The following PRKCE variants were observed in gnomAD, a reference collection of about 807,000 sequenced individuals.
PRKCE encodes protein kinase C epsilon type.
Under a neutral mutation model 85.4 loss-of-function variants are expected in PRKCE, and 16 were observed. That is an observed-to-expected ratio of 0.19 (90% CI 0.13 to 0.28). The LOEUF (loss-of-function observed/expected upper bound fraction) is 0.28. PRKCE is among the 10% of genes least tolerant of loss of function. The probability of loss-of-function intolerance (pLI) is 1.00; values close to 1 mark genes in which losing one functional copy is unlikely to be tolerated. For synonymous variants in PRKCE, 388 were observed against 371.5 expected (o/e 1.04, Z -0.51); for missense variants, 573 against 975.2 (o/e 0.59, Z 5.49).
intron 13 of PRKCE, among the ~76,000 whole-genome samples, chr2:46,151,447 A>G (rs1422138151): frequency 2.0e-5 from 3 of 152,236 alleles, no homozygotes; most frequent in Non-Finnish European, 4.4e-5. Context: ...TGCTGCCAAG[A>G]GAATGGGGCC....
chr2:45,819,812 A>G (rs1689376593), intron 1 of PRKCE, among the ~76,000 whole-genome samples: 1 of 152,240 alleles, frequency 6.6e-6, no homozygotes, highest in Non-Finnish European at 1.5e-5. Context: ...TTTTTCATAT[A>G]AAGCTTCAGA....
intron 1 of PRKCE, among the ~76,000 whole-genome samples, chr2:45,767,282 A>G (rs1684987692): frequency 6.6e-6 from 1 of 152,204 alleles, no homozygotes; most frequent in South Asian, 2.1e-4. Context: ...ACTTTTTAAA[A>G]AAAGGAACAA....
chr2:45,899,984 C>A (rs1696456280), intron 2 of PRKCE, among the ~76,000 whole-genome samples: 1 of 152,214 alleles, frequency 6.6e-6, no homozygotes, highest in Admixed American at 6.5e-5. Context: ...TACTTAGCTG[C>A]TTGTGACCTC....
chr2:46,023,621 A>C (rs1228368911), intron 10 of PRKCE, among the ~76,000 whole-genome samples: 3 of 152,212 alleles, frequency 2.0e-5, no homozygotes, highest in Non-Finnish European at 2.9e-5. Context: ...GGCTAGCCAC[A>C]AGATTCCAGT....
intron 10 of PRKCE, among the ~76,000 whole-genome samples, chr2:46,017,979 A>T (rs1333824918): frequency 1.3e-5 from 2 of 152,184 alleles, no homozygotes; most frequent in African/African-American, 2.4e-5. Context: ...CCTCACCTCC[A>T]AATCCCCTCT....
chr2:45,884,995 A>ATTTTT lies in PRKCE; in HGVS notation c.412+41933_412+41934insTTTTT, dbSNP rs1210402363. On this transcript the variant is annotated intron_variant, in intron 2 of 14. Coordinates refer to ENST00000306156, the MANE Select transcript of PRKCE (RefSeq NM_005400.3). ...TATATATATATATATATATATATAT[A>ATTTTT]TATATATTTGTTGTTGTTGTTGTTG... 2.4e-4 allele frequency among the ~76,000 whole-genome samples: 17 copies of ATTTTT among 70,240 alleles called. 2 individuals are homozygous for ATTTTT. In the East Asian group the frequency reaches 6.6e-3, roughly 27 times the overall value. 46.1% of individuals were successfully genotyped at this position (70,240 alleles called of 152,430 possible). A position where few individuals can be genotyped will look rare whatever the true frequency, so the allele number is the denominator to read the frequency against.
chr2:45,956,546 G>T (rs923358975), intron 2 of PRKCE, among the ~76,000 whole-genome samples: 1 of 151,942 alleles, frequency 6.6e-6, no homozygotes, highest in African/African-American at 2.4e-5. Flanking sequence ...TTAGCCAGGT[G>T]TGGTGGCATG....
At chr2:45,872,312 C>T (rs1420724930) in intron 2 of PRKCE, among the ~76,000 whole-genome samples, 1 of 152,094 alleles carries the variant, frequency 6.6e-6, no homozygotes, top group East Asian at 1.9e-4. Context: ...AAAGAAGTAG[C>T]CTGACTGGAA....
intron 2 of PRKCE, among the ~76,000 whole-genome samples, chr2:45,918,460 G>T (rs1016100795): frequency 4.6e-5 from 7 of 152,200 alleles, no homozygotes; most frequent in African/African-American, 1.7e-4. Context: ...TTAAGATTCA[G>T]CCTCTATTCA....
chr2:45,890,371 G>A (rs1388012061), intron 2 of PRKCE, among the ~76,000 whole-genome samples: 1 of 151,880 alleles, frequency 6.6e-6, no homozygotes, highest in Non-Finnish European at 1.5e-5. Flanking sequence ...CTGTTTCTCA[G>A]TATCTTTTCA....
intron 2 of PRKCE, among the ~76,000 whole-genome samples, chr2:45,869,706 CTTT>C (rs71394860): frequency 5.5e-5 from 6 of 109,292 alleles, no homozygotes; most frequent in East Asian, 3.2e-4. Context: ...TTCTCTCTCT[CTTT>C]TTTTTTTTTT....
chr2:45,782,516 G>T (rs745633723), intron 1 of PRKCE, among the ~76,000 whole-genome samples: 1 of 152,122 alleles, frequency 6.6e-6, no homozygotes, highest in Non-Finnish European at 1.5e-5. Context: ...CGTCATAAAT[G>T]GTTGCTATTG....
intron 2 of PRKCE, among the ~76,000 whole-genome samples, chr2:45,893,568 A>G (rs1347733067): frequency 1.3e-5 from 2 of 151,486 alleles, no homozygotes; most frequent in African/African-American, 4.9e-5. Flanking sequence ...GAGTTTCACC[A>G]TGTTGGCCAG....
intron 1 of PRKCE, among the ~76,000 whole-genome samples, chr2:45,745,524 G>T (rs796162587): frequency 2.3e-4 from 35 of 152,302 alleles, no homozygotes; most frequent in African/African-American, 7.7e-4. Flanking sequence ...TTGCTTTCTT[G>T]TTGAAACGAA....
At chr2:46,149,877 G>A (rs1218860242) in intron 12 of PRKCE, among the ~76,000 whole-genome samples, 1 of 145,712 alleles carries the variant, frequency 6.9e-6, no homozygotes, top group African/African-American at 2.5e-5. Flanking sequence ...TTTTTTTTGA[G>A]ATAGGGTCTC....
At chr2:45,672,064 C>CA (rs3068989) in intron 1 of PRKCE, among the ~76,000 whole-genome samples, 3,187 of 95,216 alleles carry the variant, frequency 0.033, 124 homozygotes, top group African/African-American at 0.11. Flanking sequence ...CCCCCTGTCT[C>CA]AAAAAAAAAA....
intron 2 of PRKCE, among the ~76,000 whole-genome samples, chr2:45,929,826 T>C (rs536634071): frequency 1.1e-4 from 16 of 152,254 alleles, no homozygotes; most frequent in African/African-American, 3.9e-4. Context: ...ATCCTCCCTT[T>C]TAGTGCCATA....
At chr2:46,019,390 T>G (rs960166036) in intron 10 of PRKCE, among the ~76,000 whole-genome samples, 2 of 152,136 alleles carry the variant, frequency 1.3e-5, no homozygotes, top group East Asian at 3.9e-4. Flanking sequence ...CTGTCCAGGG[T>G]GGTTCCCCGC....
In PRKCE at chr2:45,918,368, CT is replaced by C. The variant is rs542113656; in HGVS notation, c.413-58054del. On this transcript the variant is annotated intron_variant, in intron 2 of 14. Coordinates refer to ENST00000306156, the MANE Select transcript of PRKCE (RefSeq NM_005400.3). The stretch of plus-strand genomic sequence containing the variant: ...TGTCTAGTCTGTGGCACAGCTTTAA[CT>C]TTTTTTCCCAAAATTGTAACTCATT... Among the ~76,000 whole-genome samples the C allele has an allele frequency of 7.2e-5, 11 of 152,318 alleles. No individual in the cohort carries two copies. In the South Asian group the frequency reaches 2.3e-3, roughly 32 times the overall value.
Sources: allele counts gnomAD v4.1 joint callset (sites outside exome capture counted in the v4.1 genomes callset), GRCh38; gene constraint gnomAD v4.1.1; transcripts MANE v1.5; gene names NCBI Gene and HGNC (gene_info 2026-07-23, HGNC 2026-07-21).